The following PCDHGB1 variants were observed in gnomAD, a reference collection of about 807,000 sequenced individuals.
PCDHGB1 encodes protocadherin gamma-B1.
A neutral mutation model predicts 56.6 loss-of-function variants in PCDHGB1; 34 were observed. The ratio of observed to expected loss-of-function variants is 0.60; its 90% CI spans 0.46 to 0.80. PCDHGB1 has a LOEUF of 0.80. Among genes scored for constraint, PCDHGB1 ranks in the 30% least tolerant of loss-of-function variants. The probability of loss-of-function intolerance (pLI) is 0.00; values close to 1 mark genes in which losing one functional copy is unlikely to be tolerated. For missense variants in PCDHGB1, 1,278 were observed against 1,204.6 expected (o/e 1.06, Z -0.90); for synonymous variants, 561 against 505.9 (o/e 1.11, Z -1.46).
chr5:141,415,206 G>A, intron 1 of PCDHGB1: 4 of 1,614,054 alleles, frequency 2.5e-6, no homozygotes, highest in African/African-American at 1.3e-5. Flanking sequence ...AAGTCCTGGC[G>A]GACCTCGGCA....
chr5:141,371,657 G>C (rs761215785), intron 1 of PCDHGB1: 5 of 1,613,870 alleles, frequency 3.1e-6, no homozygotes, highest in South Asian at 1.1e-5. Flanking sequence ...ACAATGTGAC[G>C]ATCACAGCTA....
chr5:141,357,226 G>T, intron 1 of PCDHGB1: 3 of 1,613,820 alleles, frequency 1.9e-6, no homozygotes, highest in Non-Finnish European at 2.5e-6. Context: ...GGCTGACTTG[G>T]GCAGCCTCAA....
intron 1 of PCDHGB1, chr5:141,408,016 A>G (rs991619128): frequency 9.9e-7 from 1 of 1,014,516 alleles, no homozygotes; most frequent in Admixed American, 3.2e-5. Flanking sequence ...TGCGCAGCCA[A>G]CAACAGAAAG....
rs757446808 is a variant in PCDHGB1 at position 141,351,031 on chromosome 5, C to T, written c.771C>T (p.Ser257=). The stretch of plus-strand genomic sequence containing the variant: ...AAGAAAACGTACCGTGGGGAACCTC[C>T]GTGCTGCGGGTGATGGCCACAGACC... ...SLQENVPWGT[S]VLRVMATDQD... is the part of the protein sequence containing the mutation. Residue 257 remains serine, a synonymous_variant, in exon 1 of 4, where the codon TCC becomes TCT. Coordinates refer to ENST00000523390, the MANE Select transcript of PCDHGB1 (RefSeq NM_018922.3). 3 of 1,613,990 alleles carry T rather than the reference C, an allele frequency of 1.9e-6. No individual in the cohort carries two copies. In the Admixed American group the frequency reaches 5.0e-5, roughly 27 times the overall value.
At chr5:141,508,859 G>C (rs1268915304) in intron 3 of PCDHGB1, among the ~76,000 whole-genome samples, 1 of 152,086 alleles carries the variant, frequency 6.6e-6, no homozygotes, top group Non-Finnish European at 1.5e-5. Flanking sequence ...CCCAGGCTGG[G>C]AAAGGCTGAA....
chr5:141,491,118 T>C lies in PCDHGB1; in HGVS notation c.2410-3689T>C, dbSNP rs1421005816. Reference sequence around the variant, plus strand: ...TGTTCCTCGTGTCTACACACACTGGTGAGGTGCGCACAGCCCGGGCCTTAC... The same window carrying C: ...TGTTCCTCGTGTCTACACACACTGGCGAGGTGCGCACAGCCCGGGCCTTAC... On this transcript the variant is annotated intron_variant, in intron 1 of 3. Coordinates refer to ENST00000523390, the MANE Select transcript of PCDHGB1 (RefSeq NM_018922.3). This position sits in a 1 kb window ranked among gnomAD's most constrained non-coding sequence, Gnocchi z 6.9. The C allele has an allele frequency of 1.2e-6, 2 of 1,613,926 alleles. No homozygotes were observed. Among genetic ancestry groups the C allele is most frequent in the African/African-American group, 2.7e-5 (2 of 74,890 alleles).
intron 1 of PCDHGB1, among the ~76,000 whole-genome samples, chr5:141,380,254 G>T (rs572849105): frequency 6.6e-6 from 1 of 152,270 alleles, no homozygotes; most frequent in Non-Finnish European, 1.5e-5. Flanking sequence ...TGTCAAAGGG[G>T]AAGGAGTAAA....
intron 1 of PCDHGB1, among the ~76,000 whole-genome samples, chr5:141,445,720 G>T (rs2098475440): frequency 6.6e-6 from 1 of 152,158 alleles, no homozygotes; most frequent in Non-Finnish European, 1.5e-5. Flanking sequence ...AGAGGAAATA[G>T]CATGTGTAAA....
At chr5:141,478,412 TC>T in intron 1 of PCDHGB1, 2 of 1,611,958 alleles carry the variant, frequency 1.2e-6, no homozygotes, top group Non-Finnish European at 1.7e-6. Flanking sequence ...CACCACGGAC[TC>T]CCGCCGCAGC....
chr5:141,372,735 C>T, intron 1 of PCDHGB1: 1 of 1,613,346 alleles, frequency 6.2e-7, no homozygotes, highest in African/African-American at 1.3e-5. Flanking sequence ...ACAAGATCTT[C>T]TATGTGATGA....
chr5:141,460,126 T>TC (rs2098982804), intron 1 of PCDHGB1, among the ~76,000 whole-genome samples: 1 of 151,986 alleles, frequency 6.6e-6, no homozygotes, highest in South Asian at 2.1e-4. Context: ...ATATATGTAA[T>TC]ATATATATTC....
chr5:141,495,547 C>G (rs2099762038), intron 2 of PCDHGB1, among the ~76,000 whole-genome samples: 1 of 152,228 alleles, frequency 6.6e-6, no homozygotes, highest in South Asian at 2.1e-4. Flanking sequence ...CAGTCTCTAT[C>G]TCGCTTTGCA....
chr5:141,358,349 G>GT (rs1258884225), intron 1 of PCDHGB1, among the ~76,000 whole-genome samples: 2 of 152,164 alleles, frequency 1.3e-5, no homozygotes, highest in Non-Finnish European at 2.9e-5. Flanking sequence ...TGGACTGAGG[G>GT]TTTTTTAATT....
chr5:141,356,493 A>G (rs1364777213), intron 1 of PCDHGB1: 5 of 1,613,938 alleles, frequency 3.1e-6, no homozygotes, highest in Admixed American at 3.3e-5. Flanking sequence ...GAACTCCTCC[A>G]CTGTCTACAG....
At chr5:141,357,072 C>G (rs745612694) in intron 1 of PCDHGB1, 1 of 1,613,960 alleles carries the variant, frequency 6.2e-7, no homozygotes, top group Admixed American at 1.7e-5. Flanking sequence ...TGCACACAGG[C>G]GAGGTGCGCA....
chr5:141,422,800 C>A (rs1470748782), intron 1 of PCDHGB1: 1 of 1,614,094 alleles, frequency 6.2e-7, no homozygotes, highest in Non-Finnish European at 8.5e-7. Flanking sequence ...CGACTATGAG[C>A]AGTTTCGAGA....
At chr5:141,355,218 T>C in intron 1 of PCDHGB1, 1 of 1,604,388 alleles carries the variant, frequency 6.2e-7, no homozygotes, top group Non-Finnish European at 8.5e-7. Flanking sequence ...CGCCTCCTGC[T>C]CGCCCAGACC....
rs771744120 is a variant in PCDHGB1 at position 141,485,876 on chromosome 5, G to A, written c.2410-8931G>A. ...AGAGCTCCGGGTATCCGTGCTGGAC[G>A]TAAACGACAACGCCCCAGCCTTCCA... On this transcript the variant is annotated intron_variant, in intron 1 of 3. Transcript: ENST00000523390. This position sits in a 1 kb window ranked among gnomAD's most constrained non-coding sequence, Gnocchi z 5.7. 1 of 1,614,174 alleles carries A rather than the reference G, an allele frequency of 6.2e-7. No homozygotes were observed. Among genetic ancestry groups the A allele is most frequent in the Non-Finnish European group, 8.5e-7 (1 of 1,180,030 alleles).
At position 141,498,660 on chromosome 5, in the gene PCDHGB1, G is replaced by A. The variant is rs969314533; in HGVS notation, c.2468+3795G>A. Among the ~76,000 whole-genome samples, 11 of 152,192 alleles carry A rather than the reference G, an allele frequency of 7.2e-5. No homozygotes were observed. In the East Asian group the frequency reaches 9.6e-4, roughly 13 times the overall value. ...GAAGGAAGAAGACCTGGCCAGGTGT[G>A]GTGGCTCACGCCTGTAATCCCAGCA... is the stretch of plus-strand genomic sequence containing the variant. On this transcript the variant is annotated intron_variant, in intron 2 of 3. Coordinates refer to ENST00000523390, the MANE Select transcript of PCDHGB1 (RefSeq NM_018922.3).
Sources: gnomAD v4.1 joint callset for allele counts (sites outside exome capture counted in the v4.1 genomes callset) on GRCh38, gnomAD v4.1.1 for gene constraint, Gnocchi (gnomAD v3.1) non-coding constraint, MANE v1.5 for transcripts, NCBI Gene and HGNC (gene_info 2026-07-23, HGNC 2026-07-21) for gene names.